The following BMAL1 variants were observed in gnomAD, a reference collection of about 807,000 sequenced individuals.
BMAL1 encodes the protein basic helix-loop-helix ARNT-like protein 1.
At chr11:13,351,168 A>C in the BMAL1 span, among the ~76,000 whole-genome samples, 1 of 152,210 alleles carries the variant, frequency 6.6e-6, no homozygotes, top group Admixed American at 6.5e-5. Flanking sequence ...TGGATATTCA[A>C]GGGGGCTTCA....
chr11:13,293,567 T>C, the BMAL1 span, among the ~76,000 whole-genome samples: 1 of 151,904 alleles, frequency 6.6e-6, no homozygotes, highest in Non-Finnish European at 1.5e-5. Context: ...ATTAAAAGAG[T>C]TGGGAAAAAT....
the BMAL1 span, among the ~76,000 whole-genome samples, chr11:13,346,897 C>T: frequency 6.6e-6 from 1 of 152,220 alleles, no homozygotes; most frequent in Non-Finnish European, 1.5e-5. Flanking sequence ...GGCAAGGATA[C>T]CCTCTCAAAG....
chr11:13,363,006 A>G, the BMAL1 span, among the ~76,000 whole-genome samples: 2 of 151,766 alleles, frequency 1.3e-5, no homozygotes, highest in Admixed American at 1.3e-4. Context: ...CATGAATTCA[A>G]CAAACCCTTT....
the BMAL1 span, among the ~76,000 whole-genome samples, chr11:13,351,265 T>TGA: frequency 1.8e-4 from 28 of 152,192 alleles, no homozygotes; most frequent in Non-Finnish European, 1.5e-5. Context: ...GTCGAGCTCA[T>TGA]AGGATTTGCT....
chr11:13,372,185 A>G, the BMAL1 span: 3 of 1,614,012 alleles, frequency 1.9e-6, no homozygotes, highest in Non-Finnish European at 2.5e-6. Flanking sequence ...GCTTCTGCAC[A>G]ATCCACAGCA....
chr11:13,321,461 C>T, the BMAL1 span, among the ~76,000 whole-genome samples: 1 of 152,094 alleles, frequency 6.6e-6, no homozygotes, highest in Non-Finnish European at 1.5e-5. Flanking sequence ...GAATATTATA[C>T]ATGTAGTGAG....
the BMAL1 span, among the ~76,000 whole-genome samples, chr11:13,332,207 G>T: frequency 6.6e-6 from 1 of 152,168 alleles, no homozygotes; most frequent in Non-Finnish European, 1.5e-5. Context: ...TTGGGTTATT[G>T]AATCCATTCT....
chr11:13,342,913 CAG>C, the BMAL1 span, among the ~76,000 whole-genome samples: 79 of 152,316 alleles, frequency 5.2e-4, no homozygotes, highest in African/African-American at 1.8e-3. Flanking sequence ...ATCTGTAAGA[CAG>C]GGGATGAAAC....
chr11:13,296,953 T>G, the BMAL1 span, among the ~76,000 whole-genome samples: 3 of 152,180 alleles, frequency 2.0e-5, no homozygotes, highest in Non-Finnish European at 4.4e-5. Flanking sequence ...CAGGAGTTCT[T>G]GGTACCTGGG....
the BMAL1 span, among the ~76,000 whole-genome samples, chr11:13,332,915 C>T: frequency 1.3e-5 from 2 of 151,678 alleles, no homozygotes; most frequent in Non-Finnish European, 2.9e-5. Flanking sequence ...GACTTGATCA[C>T]TCTATATTGT....
the BMAL1 span, among the ~76,000 whole-genome samples, chr11:13,363,005 A>G: frequency 3.3e-5 from 5 of 151,708 alleles, no homozygotes; most frequent in Non-Finnish European, 5.9e-5. Context: ...TCATGAATTC[A>G]ACAAACCCTT....
chr11:13,282,377 C>T, the BMAL1 span, among the ~76,000 whole-genome samples: 5 of 152,334 alleles, frequency 3.3e-5, no homozygotes, highest in Admixed American at 2.6e-4. Context: ...CTATTCATGG[C>T]ACATTGCAAA....
At chr11:13,313,081 C>T in the BMAL1 span, among the ~76,000 whole-genome samples, 34 of 152,332 alleles carry the variant, frequency 2.2e-4, no homozygotes, top group African/African-American at 8.2e-4. Context: ...GCTGCGCTGT[C>T]AGCACCTTGT....
At chr11:13,301,802 T>C in the BMAL1 span, among the ~76,000 whole-genome samples, 6 of 152,308 alleles carry the variant, frequency 3.9e-5, no homozygotes, top group African/African-American at 1.4e-4. Context: ...ACTCACTTAA[T>C]CCATGCAATG....
chr11:13,376,871 C>A, the BMAL1 span: 1 of 693,730 alleles, frequency 1.4e-6, no homozygotes, highest in South Asian at 1.9e-5. Context: ...TGCGGATTTC[C>A]CCATGAATGC....
chr11:13,383,696 A>ACCACC, the BMAL1 span, among the ~76,000 whole-genome samples: 1 of 76,506 alleles, frequency 1.3e-5, no homozygotes, highest in Admixed American at 1.4e-4. Context: ...TAAAAAATAC[A>ACCACC]AAAAAAATTA....
At chr11:13,363,144 ATATATATATATATATATATATATG>A in the BMAL1 span, among the ~76,000 whole-genome samples, 2 of 67,382 alleles carry the variant, frequency 3.0e-5, no homozygotes, top group Admixed American at 3.2e-4. Flanking sequence ...ATATATATAT[ATATATATATATATATATATATATG>A]TAAAATAATT....
chr11:13,295,600 A>C, the BMAL1 span, among the ~76,000 whole-genome samples: 2 of 152,236 alleles, frequency 1.3e-5, no homozygotes, highest in Admixed American at 1.3e-4. Flanking sequence ...GGGCCTTCAG[A>C]TGGAGATAGC....
At chr11:13,312,530 C>T in the BMAL1 span, among the ~76,000 whole-genome samples, 1 of 152,074 alleles carries the variant, frequency 6.6e-6, no homozygotes, top group Non-Finnish European at 1.5e-5. Flanking sequence ...TAACTGTTTC[C>T]CCAGATAAAA....
Sources: gnomAD v4.1 joint callset for allele counts (sites outside exome capture counted in the v4.1 genomes callset) on GRCh38, gnomAD v4.1.1 for gene constraint, MANE v1.5 for transcripts, NCBI Gene and HGNC (gene_info 2026-07-23, HGNC 2026-07-21) for gene names.